The following MYT1L variants were observed in gnomAD, a reference collection of about 807,000 sequenced individuals.
MYT1L encodes myelin transcription factor 1-like protein.
Under a neutral mutation model 126.7 loss-of-function variants are expected in MYT1L, and 12 were observed. The ratio of observed to expected loss-of-function variants is 0.09; its 90% CI spans 0.06 to 0.15. MYT1L has a LOEUF of 0.15. Ranked by LOEUF, MYT1L falls within the 10% of genes least tolerant of loss-of-function variation. MYT1L has a pLI of 1.00. For missense variants in MYT1L, 979 were observed against 1,585.2 expected (o/e 0.62, Z 6.49); for synonymous variants, 541 against 604.2 (o/e 0.90, Z 1.53).
intron 18 of MYT1L, among the ~76,000 whole-genome samples, chr2:1,856,396 G>A (rs947268466): frequency 6.6e-6 from 1 of 152,168 alleles, no homozygotes; most frequent in Admixed American, 6.5e-5. Flanking sequence ...AGAAGAGCTC[G>A]AAATCTAGGC....
intron 20 of MYT1L, among the ~76,000 whole-genome samples, chr2:1,840,431 G>A (rs2041513160): frequency 6.6e-6 from 1 of 152,154 alleles, no homozygotes; most frequent in Admixed American, 6.5e-5. Context: ...ACCTTCAGGA[G>A]CATTCACCAA....
At chr2:2,261,360 T>C (rs1258796987) in intron 2 of MYT1L, among the ~76,000 whole-genome samples, 2 of 152,154 alleles carry the variant, frequency 1.3e-5, no homozygotes, top group Non-Finnish European at 2.9e-5. Context: ...AAATCGGAAA[T>C]GAAGAAAGAA....
intron 3 of MYT1L, among the ~76,000 whole-genome samples, chr2:2,119,529 GATC>G (rs1404672188): frequency 4.6e-5 from 7 of 152,166 alleles, no homozygotes; most frequent in Admixed American, 4.6e-4. Flanking sequence ...AGAATTAAAT[GATC>G]ATATTTCCAT....
At chr2:1,850,186 T>C (rs1446654392) in intron 19 of MYT1L, among the ~76,000 whole-genome samples, 11 of 1,694 alleles carry the variant, frequency 6.5e-3, no homozygotes, top group African/African-American at 0.031. Context: ...CCCTCCCCCT[T>C]CCTTCCTTCC....
chr2:2,049,365 T>A (rs2068556247), intron 4 of MYT1L, among the ~76,000 whole-genome samples: 2 of 152,184 alleles, frequency 1.3e-5, no homozygotes, highest in South Asian at 4.1e-4. Context: ...ACAAGAATAA[T>A]AATGTATAAT....
chr2:2,037,443 ATT>A (rs60232195), intron 4 of MYT1L, among the ~76,000 whole-genome samples: 16 of 142,482 alleles, frequency 1.1e-4, no homozygotes, highest in African/African-American at 2.6e-4. Flanking sequence ...GATTCAGTTG[ATT>A]TTTTTTTTTT....
rs75913993 is a variant in MYT1L at position 2,291,598 on chromosome 2, C to G, written c.-520-7095G>C. ...GCTAATGGGACAAACAAGAGGAAGC[C>G]GCTCAGTTCTAAGGAGACGCGGTGC... On this transcript the variant is annotated intron_variant, in intron 1 of 24. Coordinates refer to ENST00000647738, the MANE Select transcript of MYT1L (RefSeq NM_001303052.2). Among the ~76,000 whole-genome samples the G allele has an allele frequency of 6.7e-3, 1,019 of 152,304 alleles. 5 individuals are homozygous for G. The highest frequency in any genetic ancestry group is 0.01 in the Non-Finnish European group (710 of 68,014).
At chr2:1,941,100 A>G (rs1387999119) in intron 9 of MYT1L, among the ~76,000 whole-genome samples, 2 of 152,218 alleles carry the variant, frequency 1.3e-5, no homozygotes, top group African/African-American at 2.4e-5. Flanking sequence ...CTATTTCAAT[A>G]AGGCTTCTGA....
intron 19 of MYT1L, among the ~76,000 whole-genome samples, 190 bp downstream of exon 19, chr2:1,851,451 A>G (rs982274862): frequency 3.9e-5 from 6 of 152,152 alleles, no homozygotes; most frequent in Non-Finnish European, 7.3e-5. Flanking sequence ...GTGGCCCTGG[A>G]AAAGGAAGGT....
intron 14 of MYT1L, among the ~76,000 whole-genome samples, chr2:1,898,430 A>G (rs2049900885): frequency 6.6e-6 from 1 of 152,224 alleles, no homozygotes. Flanking sequence ...GACATCTCCA[A>G]GGCACACGGT....
chr2:2,167,252 T>A (rs2089297651), intron 3 of MYT1L, among the ~76,000 whole-genome samples: 1 of 152,188 alleles, frequency 6.6e-6, no homozygotes, highest in African/African-American at 2.4e-5. Context: ...AGTGTAGAAT[T>A]TGTATATGTT....
chr2:1,910,804 GC>G lies in MYT1L; in HGVS notation c.1710-458del, dbSNP rs1315086613. ...TGCTATTGACTGTGGCGTCTGGGGG[GC>G]CTGTCTGACTTTAGCCCTTTGGTGT... On this transcript the variant is annotated intron_variant, in intron 12 of 24. Transcript: ENST00000647738. This position sits in a 1 kb window ranked among gnomAD's most constrained non-coding sequence, Gnocchi z 4.8. Among the ~76,000 whole-genome samples the G allele has an allele frequency of 6.6e-6, 1 of 152,164 alleles. No homozygotes were observed. Among genetic ancestry groups the G allele is most frequent in the Non-Finnish European group, 1.5e-5 (1 of 68,028 alleles).
At position 1,956,191 on chromosome 2, in the gene MYT1L, G is replaced by GTCTGTCTGTCTATCTA. The variant is rs1553354694; in HGVS notation, c.153-12858_153-12857insTAGATAGACAGACAGA. ...TGTCTGCCTGTTCATTTACCTAGCT[G>GTCTGTCTGTCTATCTA]TCTATCTATCTATCTATCTATCTAT... On this transcript the variant is annotated intron_variant, in intron 8 of 24. Transcript: ENST00000647738. 7.6e-3 allele frequency among the ~76,000 whole-genome samples: 1,104 copies of GTCTGTCTGTCTATCTA among 145,980 alleles called. 18 individuals are homozygous for GTCTGTCTGTCTATCTA. Among genetic ancestry groups the GTCTGTCTGTCTATCTA allele is most frequent in the African/African-American group, 0.023 (845 of 37,400 alleles).
intron 2 of MYT1L, among the ~76,000 whole-genome samples, chr2:2,220,372 T>C (rs1019626397): frequency 1.3e-5 from 2 of 152,198 alleles, no homozygotes; most frequent in Non-Finnish European, 2.9e-5. Context: ...ATTTTCTGAT[T>C]GACAAGTGGC....
chr2:1,895,808 G>C (rs1217006803), intron 14 of MYT1L, among the ~76,000 whole-genome samples: 4 of 151,986 alleles, frequency 2.6e-5, no homozygotes, highest in African/African-American at 9.7e-5. Flanking sequence ...GTCTCCAAAA[G>C]CAATTGCAAC....
In MYT1L at chr2:1,792,308, C is replaced by G. The variant is rs954575705; in HGVS notation, c.3420+13G>C. On this transcript the variant is annotated intron_variant, in intron 24 of 24. Transcript: ENST00000647738. Reference sequence around the variant, plus strand: ...GGACTCCACATTCCTGCCTTGCGTGCTCAGTCACTTACCATGTGCGGCAGC... The same window carrying G: ...GGACTCCACATTCCTGCCTTGCGTGGTCAGTCACTTACCATGTGCGGCAGC... 1.3e-6 allele frequency: 2 copies of G among 1,593,818 alleles called. No individual in the cohort carries two copies. Among genetic ancestry groups the G allele is most frequent in the African/African-American group, 1.3e-5 (1 of 74,534 alleles).
chr2:1,834,726 G>A (rs1210733875), intron 21 of MYT1L, among the ~76,000 whole-genome samples: 1 of 152,186 alleles, frequency 6.6e-6, no homozygotes, highest in Non-Finnish European at 1.5e-5. Context: ...CAATGGAGAC[G>A]GAAGAATTGG....
intron 2 of MYT1L, among the ~76,000 whole-genome samples, chr2:2,206,683 T>A (rs769485976): frequency 1.3e-5 from 2 of 152,242 alleles, no homozygotes; most frequent in Non-Finnish European, 2.9e-5. Context: ...TTAGGTTAGA[T>A]GCTACATTGC....
chr2:2,292,282 C>T (rs1400259130), intron 1 of MYT1L, among the ~76,000 whole-genome samples: 1 of 152,164 alleles, frequency 6.6e-6, no homozygotes, highest in Non-Finnish European at 1.5e-5. Context: ...GAGTCGGTGC[C>T]GCTCAGGCCA....
Sources: gnomAD v4.1 joint callset for allele counts (sites outside exome capture counted in the v4.1 genomes callset) on GRCh38, gnomAD v4.1.1 for gene constraint, Gnocchi (gnomAD v3.1) non-coding constraint, MANE v1.5 for transcripts, NCBI Gene and HGNC (gene_info 2026-07-23, HGNC 2026-07-21) for gene names.